POU6F2: variants seen among roughly 807,000 people sequenced by gnomAD.
POU6F2 encodes the protein POU class 6 homeobox 2.
A neutral mutation model predicts 71.3 loss-of-function variants in POU6F2; 31 were observed. The observed-to-expected ratio is 0.43, with a 90% CI of 0.33 to 0.59. The LOEUF (loss-of-function observed/expected upper bound fraction) is 0.59, where lower values mean the gene tolerates loss of function less well. POU6F2 is among the 20% of genes least tolerant of loss of function. The pLI, the probability that POU6F2 is intolerant of heterozygous loss-of-function variation, is 0.04. For missense variants in POU6F2, 783 were observed against 856.8 expected (o/e 0.91, Z 1.07); for synonymous variants, 347 against 355.7 (o/e 0.98, Z 0.27).
rs555476871 is a variant in POU6F2 at position 39,218,110 on chromosome 7, G to T, written c.598+10490G>T. ...CCTAGCAATGATTCTACACTAGGAT[G>T]TGCAAACTAGATTAGATTCCAAGCC... is the stretch of plus-strand genomic sequence containing the variant. On this transcript the variant is annotated intron_variant, in intron 4 of 9. Transcript: ENST00000518318. Among the ~76,000 whole-genome samples, 192 of 152,270 alleles carry T rather than the reference G, an allele frequency of 1.3e-3. 1 individual carries two copies. Among genetic ancestry groups the T allele is most frequent in the Non-Finnish European group, 2.1e-3 (145 of 68,026 alleles).
intron 6 of POU6F2, among the ~76,000 whole-genome samples, chr7:39,431,596 CA>C (rs1788102944): frequency 6.6e-6 from 1 of 152,168 alleles, no homozygotes; most frequent in South Asian, 2.1e-4. Flanking sequence ...TGGCACCCTC[CA>C]AGGTCCTCCA....
chr7:39,214,214 C>A (rs1380556399), intron 4 of POU6F2, among the ~76,000 whole-genome samples: 1 of 152,158 alleles, frequency 6.6e-6, no homozygotes, highest in Admixed American at 6.5e-5. Context: ...GATGTGAGGG[C>A]ATTCTGGCCT....
At chr7:39,420,639 A>AT (rs1454721882) in intron 6 of POU6F2, among the ~76,000 whole-genome samples, 1 of 152,160 alleles carries the variant, frequency 6.6e-6, no homozygotes, top group Admixed American at 6.5e-5. Flanking sequence ...AGTTAAATAG[A>AT]TTTTTTTAAA....
At chr7:39,150,761 C>G (rs1035696308) in intron 2 of POU6F2, among the ~76,000 whole-genome samples, 6 of 152,090 alleles carry the variant, frequency 3.9e-5, no homozygotes, top group Non-Finnish European at 8.8e-5. Flanking sequence ...AGCCATTGTG[C>G]CCAGCCCAAT....
At chr7:39,316,763 C>T (rs1470009549) in intron 4 of POU6F2, among the ~76,000 whole-genome samples, 1 of 152,234 alleles carries the variant, frequency 6.6e-6, no homozygotes, top group Non-Finnish European at 1.5e-5. Flanking sequence ...CAACAGGCCA[C>T]TTCATCCTAT....
At chr7:39,200,232 T>TGG (rs1793870350) in intron 2 of POU6F2, among the ~76,000 whole-genome samples, 1 of 152,204 alleles carries the variant, frequency 6.6e-6, no homozygotes, top group Non-Finnish European at 1.5e-5. Context: ...AAGCCACTGC[T>TGG]GGCTCCCTGT....
intron 1 of POU6F2, among the ~76,000 whole-genome samples, chr7:39,051,233 T>TC (rs1309709888): frequency 7.9e-5 from 12 of 152,236 alleles, no homozygotes; most frequent in African/African-American, 2.9e-4. Flanking sequence ...AGGCAGAAGT[T>TC]CTACAGGCAA....
At chr7:39,019,482 A>G (rs894614375) in intron 1 of POU6F2, among the ~76,000 whole-genome samples, 5 of 152,094 alleles carry the variant, frequency 3.3e-5, no homozygotes, top group African/African-American at 1.2e-4. Context: ...GACTTACAGT[A>G]TTCCATTTGT....
intron 4 of POU6F2, among the ~76,000 whole-genome samples, chr7:39,255,062 A>G (rs2128753428): frequency 6.6e-6 from 1 of 152,354 alleles, no homozygotes; most frequent in African/African-American, 2.4e-5. Context: ...CTTTATATAT[A>G]TCCTAGACAA....
chr7:39,116,519 ATAT>A (rs1246433054), intron 2 of POU6F2, among the ~76,000 whole-genome samples: 1 of 152,214 alleles, frequency 6.6e-6, no homozygotes, highest in African/African-American at 2.4e-5. Flanking sequence ...TTTGAAATAA[ATAT>A]TATCATTCCT....
rs547385113 is a variant in POU6F2, at chr7:39,247,343, C to T, written c.598+39723C>T. On this transcript the variant is annotated intron_variant, in intron 4 of 9. Transcript: ENST00000518318. ...AATTACGTCTGTGATCCTAGCTACT[C>T]GGGAGGCTGAGACATGAGAATCGCC... Among the ~76,000 whole-genome samples the T allele has an allele frequency of 6.1e-4, 93 of 151,922 alleles. 2 individuals are homozygous for T. The South Asian group carries it at 0.019, about 31-fold the overall frequency.
At chr7:39,295,285 G>A (rs1284399820) in intron 4 of POU6F2, among the ~76,000 whole-genome samples, 1 of 152,078 alleles carries the variant, frequency 6.6e-6, no homozygotes, top group African/African-American at 2.4e-5. Context: ...TGCTTTCTTG[G>A]GACTCATGGG....
At chr7:39,144,240 AAGTAT>A (rs1343414270) in intron 2 of POU6F2, among the ~76,000 whole-genome samples, 1 of 152,196 alleles carries the variant, frequency 6.6e-6, no homozygotes, top group East Asian at 1.9e-4. Context: ...TTATGATAAG[AAGTAT>A]TGAGATCTTA....
In POU6F2 at chr7:39,361,159, C is replaced by G. The variant is rs1307133970; in HGVS notation, c.972+21144C>G. ...TGATTTCCCTGTATTCAACTGTGCTCAGCCTTGATTTCTCTTATAAATCAA... is the reference window on the plus strand; with the variant it reads ...TGATTTCCCTGTATTCAACTGTGCTGAGCCTTGATTTCTCTTATAAATCAA... On this transcript the variant is annotated intron_variant, in intron 5 of 9. Coordinates refer to ENST00000518318, the MANE Select transcript of POU6F2 (RefSeq NM_001370959.1). Among the ~76,000 whole-genome samples the G allele has an allele frequency of 3.3e-5, 5 of 152,348 alleles. 1 individual carries two copies. The East Asian group carries it at 5.8e-4, about 18-fold the overall frequency.
rs565674034 is a variant in POU6F2, at chr7:39,226,054, C to T, written c.598+18434C>T. Among the ~76,000 whole-genome samples, 6 of 151,580 alleles carry T rather than the reference C, an allele frequency of 4.0e-5. No homozygotes were observed. The East Asian group carries it at 7.8e-4, about 20-fold the overall frequency. Reference sequence around the variant, plus strand: ...CACTGAAGCATATGTTCTGAGCTTTCGGGAGCAATCTGTAGTCAGGCATTT... The same window carrying T: ...CACTGAAGCATATGTTCTGAGCTTTTGGGAGCAATCTGTAGTCAGGCATTT... On this transcript the variant is annotated intron_variant, in intron 4 of 9. Transcript: ENST00000518318.
chr7:39,055,496 A>T (rs1475078131), intron 1 of POU6F2, among the ~76,000 whole-genome samples: 1 of 152,180 alleles, frequency 6.6e-6, no homozygotes, highest in African/African-American at 2.4e-5. Context: ...ATGAGTGAGA[A>T]TATTAAACAA....
At chr7:39,235,236 C>A (rs1258679403) in intron 4 of POU6F2, among the ~76,000 whole-genome samples, 2 of 152,262 alleles carry the variant, frequency 1.3e-5, no homozygotes, top group Admixed American at 1.3e-4. Flanking sequence ...TCTACAGCCA[C>A]TCATTTTTAG....
At chr7:39,347,817 A>G (rs1221953509) in intron 5 of POU6F2, among the ~76,000 whole-genome samples, 1 of 142,008 alleles carries the variant, frequency 7.0e-6, no homozygotes, top group Non-Finnish European at 1.6e-5. Context: ...TTTTTTGTAG[A>G]GATGGGGTTT....
intron 5 of POU6F2, chr7:39,373,370 T>C (rs1786650472): frequency 1.1e-5 from 5 of 451,664 alleles, no homozygotes; most frequent in Non-Finnish European, 2.2e-5. Flanking sequence ...GGCTGACCAA[T>C]GCTATGAGCA....
Sources: gnomAD v4.1 joint callset for allele counts (sites outside exome capture counted in the v4.1 genomes callset) on GRCh38, gnomAD v4.1.1 for gene constraint, MANE v1.5 for transcripts, NCBI Gene and HGNC (gene_info 2026-07-23, HGNC 2026-07-21) for gene names.